The following NF1 variants were observed in gnomAD, a reference collection of about 807,000 sequenced individuals.
NF1 encodes neurofibromin.
Under a neutral mutation model 325.7 loss-of-function variants are expected in NF1, and 122 were observed. The observed-to-expected ratio is 0.37, with a 90% CI of 0.32 to 0.44. The LOEUF is 0.44. Among genes scored for constraint, NF1 ranks in the 20% least tolerant of loss-of-function variants. The pLI is 1.00. For synonymous variants in NF1, 1,091 were observed against 1,186.0 expected, an observed-to-expected ratio of 0.92 and a Z score of 1.65; for missense variants, 2,140 against 3,415.4, an observed-to-expected ratio of 0.63 and a Z score of 9.31.
At chr17:31,206,456 T>A in intron 12 of NF1, 85 bp downstream of exon 12, 1 of 1,537,266 alleles carries the variant, frequency 6.5e-7, no homozygotes, top group Non-Finnish European at 9.0e-7. Flanking sequence ...CTGCTTTGGT[T>A]ATTTTAGAGA....
chr17:31,110,920 C>A (rs1381723284), intron 1 of NF1, among the ~76,000 whole-genome samples: 4 of 151,868 alleles, frequency 2.6e-5, no homozygotes, highest in African/African-American at 9.7e-5. Context: ...ACAAAAAAAA[C>A]CCAGGTAAAT....
At position 31,237,343 on chromosome 17, in the gene NF1, C is replaced by T. The variant is rs566728992; in HGVS notation, c.3974+1322C>T. ...AGGCTGGAGTGCGGTGGCACCATCT[C>T]GGCTCACTGCAACCTTCCTGTGCAG... On this transcript the variant is annotated intron_variant, in intron 29 of 57. Transcript: ENST00000358273. 9.9e-5 allele frequency among the ~76,000 whole-genome samples: 15 copies of T among 152,258 alleles called. No homozygotes were observed. The East Asian group carries it at 2.1e-3, about 22-fold the overall frequency.
chr17:31,250,984 A>G (rs2067484108), intron 30 of NF1: 1 of 193,346 alleles, frequency 5.2e-6, no homozygotes, highest in South Asian at 1.9e-4. Context: ...GTTGAAGAGC[A>G]GAGACAGCAT....
At chr17:31,279,672 G>A (rs2068080354) in intron 36 of NF1, among the ~76,000 whole-genome samples, 1 of 151,726 alleles carries the variant, frequency 6.6e-6, no homozygotes, top group African/African-American at 2.4e-5. Flanking sequence ...GTTATGAGAG[G>A]CCTAATTGTG....
chr17:31,105,973 A>C (rs1049890496), intron 1 of NF1, among the ~76,000 whole-genome samples: 4 of 152,198 alleles, frequency 2.6e-5, no homozygotes, highest in African/African-American at 9.7e-5. Flanking sequence ...ACTTATTTTT[A>C]ATCAAAATTT....
At chr17:31,258,066 C>G (rs1020199501) in intron 31 of NF1, among the ~76,000 whole-genome samples, 2 of 152,074 alleles carry the variant, frequency 1.3e-5, no homozygotes, top group African/African-American at 4.8e-5. Context: ...AGTGATGATA[C>G]AGTGAAGATC....
rs773775612 is a variant in NF1 at position 31,367,304 on chromosome 17, C to T, written c.8377+6601C>T. On this transcript the variant is annotated intron_variant, in intron 57 of 57. Transcript: ENST00000358273. ...GTACTCTTTATTTTCATCATCTTTG[C>T]ACGAAAATACTGCTTACCCCACACT... 6.2e-5 allele frequency: 80 copies of T among 1,282,120 alleles called. 1 individual carries two copies. The South Asian group carries it at 9.5e-4, about 15-fold the overall frequency. 79.4% of individuals were successfully genotyped at this position (1,282,120 alleles called of 1,614,324 possible).
intron 38 of NF1, among the ~76,000 whole-genome samples, chr17:31,329,327 C>T (rs1168510875): frequency 6.6e-6 from 1 of 152,150 alleles, no homozygotes; most frequent in African/African-American, 2.4e-5. Flanking sequence ...CCTGGGTAAA[C>T]CTGTATTCTT....
chr17:31,165,056 TA>T (rs1225566185), intron 4 of NF1, among the ~76,000 whole-genome samples: 4 of 152,120 alleles, frequency 2.6e-5, no homozygotes, highest in Non-Finnish European at 4.4e-5. Context: ...CCTGTTAAAT[TA>T]AAGGTAGAAA....
intron 36 of NF1, chr17:31,318,266 C>A: frequency 6.4e-7 from 1 of 1,563,884 alleles, no homozygotes; most frequent in South Asian, 1.2e-5. Flanking sequence ...ATTTTTACTC[C>A]ATAAGCCTTC....
At chr17:31,296,449 C>T in intron 36 of NF1, 1 of 973,796 alleles carries the variant, frequency 1.0e-6, no homozygotes, top group South Asian at 1.3e-5. Flanking sequence ...TTGTCGAGTC[C>T]TTTTATAATT....
At chr17:31,152,799 C>A (rs1917042159) in intron 1 of NF1, among the ~76,000 whole-genome samples, 1 of 151,492 alleles carries the variant, frequency 6.6e-6, no homozygotes, top group Non-Finnish European at 1.5e-5. Flanking sequence ...TTTTTGGAAA[C>A]TTTGATTTTC....
chr17:31,097,731 C>G (rs1441325474), intron 1 of NF1, among the ~76,000 whole-genome samples: 1 of 151,952 alleles, frequency 6.6e-6, no homozygotes, highest in Non-Finnish European at 1.5e-5. Context: ...AGGTCTTGCT[C>G]TGTCGCCCAC....
At chr17:31,165,504 G>A (rs1306345474) in intron 4 of NF1, among the ~76,000 whole-genome samples, 1 of 152,122 alleles carries the variant, frequency 6.6e-6, no homozygotes, top group African/African-American at 2.4e-5. Context: ...TAAAATATGT[G>A]TGTGGCTTGA....
chr17:31,250,689 T>A lies in NF1; in HGVS notation c.4110+1570T>A, dbSNP rs142297979. On this transcript the variant is annotated intron_variant, in intron 30 of 57. Coordinates refer to ENST00000358273, the MANE Select transcript of NF1 (RefSeq NM_001042492.3). ...TATTTAGTACTTAGGAAATATTTAATGAAGAAATAAATTTCCCATCCCTCC... is the reference window on the plus strand; with the variant it reads ...TATTTAGTACTTAGGAAATATTTAAAGAAGAAATAAATTTCCCATCCCTCC... 1,061 of 191,450 alleles carry A rather than the reference T, an allele frequency of 5.5e-3. 18 individuals are homozygous for A. Among genetic ancestry groups the A allele is most frequent in the African/African-American group, 0.023 (989 of 43,036 alleles). The allele number at this position is 191,450 out of a possible 1,614,324, so 11.9% of individuals were successfully genotyped here.
At chr17:31,261,521 T>C (rs1158066534) in intron 34 of NF1, among the ~76,000 whole-genome samples, 190 bp from the exon 35 acceptor site, 3 of 152,206 alleles carry the variant, frequency 2.0e-5, no homozygotes, top group Non-Finnish European at 2.9e-5. Flanking sequence ...GATGGGAGTT[T>C]AAATGACAGG....
intron 48 of NF1, 150 bp from the exon 49 acceptor site, chr17:31,348,969 GT>G: frequency 1.1e-6 from 1 of 903,626 alleles, no homozygotes; most frequent in South Asian, 1.6e-5. Flanking sequence ...ACATATGCAT[GT>G]TTTACCTTCC....
chr17:31,349,296 A>G (rs888101974), intron 49 of NF1, 45 bp downstream of exon 49: 11 of 1,594,004 alleles, frequency 6.9e-6, no homozygotes, highest in Non-Finnish European at 9.4e-6. Flanking sequence ...ACATCTATAT[A>G]TAAGGATCAC....
chr17:31,229,666 C>A, intron 21 of NF1, 169 bp from the exon 22 acceptor site: 1 of 976,480 alleles, frequency 1.0e-6, no homozygotes. Context: ...TAAGGGTATA[C>A]GTGCCCTGTG....
Sources: allele counts gnomAD v4.1 joint callset (sites outside exome capture counted in the v4.1 genomes callset), GRCh38; gene constraint gnomAD v4.1.1; transcripts MANE v1.5; gene names NCBI Gene and HGNC (gene_info 2026-07-23, HGNC 2026-07-21).